PROX1: variants seen among roughly 807,000 people sequenced by gnomAD.
The protein encoded by PROX1 is prospero homeobox 1, also known as prospero homeobox protein 1.
Under a neutral mutation model 58.8 loss-of-function variants are expected in PROX1, and 7 were observed. The ratio of observed to expected loss-of-function variants is 0.12; its 90% CI spans 0.07 to 0.22. PROX1 has a LOEUF of 0.22. PROX1 is among the 10% of genes least tolerant of loss of function. The pLI is 1.00. For synonymous variants in PROX1, 350 were observed against 358.3 expected, an observed-to-expected ratio of 0.98 and a Z score of 0.26; for missense variants, 675 against 927.8, an observed-to-expected ratio of 0.73 and a Z score of 3.54.
At chr1:214,013,041 T>C (rs1301955464) in intron 4 of PROX1, among the ~76,000 whole-genome samples, 1 of 152,124 alleles carries the variant, frequency 6.6e-6, no homozygotes, top group African/African-American at 2.4e-5. Context: ...AGTTTTTCTT[T>C]GAAAGTTTGA....
At chr1:214,004,105 C>T (rs960286531) in intron 2 of PROX1, among the ~76,000 whole-genome samples, 4 of 152,124 alleles carry the variant, frequency 2.6e-5, no homozygotes, top group African/African-American at 9.7e-5. Flanking sequence ...TGTGGGGGAC[C>T]ACATTGATTT....
At chr1:214,022,375 C>A (rs1247190402) in intron 4 of PROX1, among the ~76,000 whole-genome samples, 2 of 152,184 alleles carry the variant, frequency 1.3e-5, no homozygotes, top group East Asian at 3.9e-4. Flanking sequence ...ATTTGCAGAG[C>A]CAAGTAAATG....
chr1:213,994,907 T>C (rs1000552713), intron 1 of PROX1, among the ~76,000 whole-genome samples: 1 of 151,220 alleles, frequency 6.6e-6, no homozygotes, highest in Non-Finnish European at 1.5e-5. Flanking sequence ...GAAATCACTG[T>C]CACTTAAAAA....
chr1:214,030,143 A>T (rs1191512821), intron 4 of PROX1: 2 of 152,526 alleles, frequency 1.3e-5, no homozygotes, highest in East Asian at 3.9e-4. Context: ...TCTCCTTGAC[A>T]TTGTCTTCTT....
intron 4 of PROX1, among the ~76,000 whole-genome samples, chr1:214,023,962 C>A (rs1396895572): frequency 6.6e-6 from 1 of 152,160 alleles, no homozygotes; most frequent in African/African-American, 2.4e-5. Flanking sequence ...TTCAAGGCCA[C>A]TGTGTTTCCT....
At chr1:213,989,346 C>G (rs749925539) in intron 1 of PROX1, among the ~76,000 whole-genome samples, 1 of 151,716 alleles carries the variant, frequency 6.6e-6, no homozygotes, top group East Asian at 2.0e-4. Context: ...GGTCGCGTGG[C>G]GGTGGGATTG....
At chr1:214,014,738 T>C (rs945328988) in intron 4 of PROX1, among the ~76,000 whole-genome samples, 1 of 152,132 alleles carries the variant, frequency 6.6e-6, no homozygotes, top group Non-Finnish European at 1.5e-5. Flanking sequence ...GAGAAGGAGG[T>C]TTGACGTCTC....
Position 214,035,942 on chromosome 1 carries a change from G to A in PROX1, c.*108G>A, listed in dbSNP as rs1664814130. ...TCATATATATGTGTATGGGAGGCAT[G>A]GATATGTTATGAAATCAGCTGGTAA... On this transcript the variant is annotated 3_prime_UTR_variant, in exon 5 of 5. Transcript: ENST00000366958. 2 of 932,544 alleles carry A rather than the reference G, an allele frequency of 2.1e-6. No homozygotes were observed. The highest frequency in any genetic ancestry group is 3.0e-6 in the Non-Finnish European group (2 of 667,228). 57.8% of individuals were successfully genotyped at this position (932,544 alleles called of 1,614,324 possible).
intron 4 of PROX1, among the ~76,000 whole-genome samples, chr1:214,026,859 A>G (rs557174959): frequency 1.3e-5 from 2 of 152,186 alleles, no homozygotes; most frequent in Admixed American, 6.5e-5. Flanking sequence ...ATGCTTTTCC[A>G]TGGAGTTTCC....
chr1:213,994,793 AT>A (rs1663191214), intron 1 of PROX1, among the ~76,000 whole-genome samples: 1 of 89,148 alleles, frequency 1.1e-5, no homozygotes, highest in African/African-American at 4.2e-5. Context: ...ATATATATAT[AT>A]ATATATATAA....
chr1:214,026,332 T>C (rs1007195840), intron 4 of PROX1, among the ~76,000 whole-genome samples: 2 of 152,136 alleles, frequency 1.3e-5, no homozygotes, highest in African/African-American at 4.8e-5. Context: ...ACTGACCAAA[T>C]TTCAGCCCCA....
chr1:213,986,205 T>C (rs1432071543), upstream of PROX1: 2 of 151,110 alleles, frequency 1.3e-5, no homozygotes, highest in East Asian at 3.9e-4. Flanking sequence ...GAGGTGTGAG[T>C]GGTGCGTGTG....
chr1:214,000,043 T>TACAC (rs10536742), intron 2 of PROX1, among the ~76,000 whole-genome samples: 4,256 of 149,242 alleles, frequency 0.029, 219 homozygotes, highest in African/African-American at 0.098. Context: ...CTCTCTCTCT[T>TACAC]ACACACACAC....
Position 214,036,633 on chromosome 1 carries a change from T to C in PROX1, c.*799T>C, listed in dbSNP as rs1364937747. 1 of 152,180 alleles carries C rather than the reference T, an allele frequency of 6.6e-6. No homozygotes were observed. Among genetic ancestry groups the C allele is most frequent in the Non-Finnish European group, 1.5e-5 (1 of 68,032 alleles). The allele number at this position is 152,180 out of a possible 1,614,324, so 9.4% of individuals were successfully genotyped here. On this transcript the variant is annotated 3_prime_UTR_variant, in exon 5 of 5. Transcript: ENST00000366958. ...TTACATCATTCTTCATAAAGAAAAA[T>C]CCTATAACTTGTTATCATTTTTGCT...
rs1221667275 is a variant in PROX1, at chr1:214,018,554, G to A, written c.2028+6839G>A. Among the ~76,000 whole-genome samples the A allele has an allele frequency of 3.3e-5, 5 of 152,136 alleles. No homozygotes were observed. In the South Asian group the frequency reaches 8.3e-4, roughly 25 times the overall value. ...TGAGAAGGGTAGGAAAAAGAGAACC[G>A]TCTATTAATGATCATTATACTACTG... On this transcript the variant is annotated intron_variant, in intron 4 of 4. Coordinates refer to ENST00000366958, the MANE Select transcript of PROX1 (RefSeq NM_001270616.2).
intron 4 of PROX1, among the ~76,000 whole-genome samples, chr1:214,013,155 G>A (rs1351652214): frequency 6.6e-6 from 1 of 152,006 alleles, no homozygotes; most frequent in Admixed American, 6.6e-5. Flanking sequence ...GTGTGTGTGT[G>A]TGTGTGTGTG....
At chr1:214,019,622 C>T (rs545343248) in intron 4 of PROX1, among the ~76,000 whole-genome samples, 5 of 152,296 alleles carry the variant, frequency 3.3e-5, no homozygotes, top group South Asian at 2.1e-4. Context: ...GGAGGCCTCC[C>T]TGTGTGCGCA....
intron 2 of PROX1, 127 bp downstream of exon 2, chr1:213,998,387 C>A: frequency 8.6e-7 from 1 of 1,166,092 alleles, no homozygotes; most frequent in Non-Finnish European, 1.2e-6. Flanking sequence ...TCCCATTATT[C>A]AAAGGAATAG....
chr1:214,036,038 C>A lies in PROX1; in HGVS notation c.*204C>A. On this transcript the variant is annotated 3_prime_UTR_variant, in exon 5 of 5. Transcript: ENST00000366958. ...AAGGGGATGGTTGTTTTCTTTCTGC[C>A]TTTAGTTTGCTTTTGCCCAAGGCCC... 1 of 432,598 alleles carries A rather than the reference C, an allele frequency of 2.3e-6. No individual in the cohort carries two copies. The highest frequency in any genetic ancestry group is 3.9e-6 in the Non-Finnish European group (1 of 253,538). 26.8% of individuals were successfully genotyped at this position (432,598 alleles called of 1,614,324 possible).
Sources: allele counts gnomAD v4.1 joint callset (sites outside exome capture counted in the v4.1 genomes callset), GRCh38; gene constraint gnomAD v4.1.1; transcripts MANE v1.5; gene names NCBI Gene and HGNC (gene_info 2026-07-23, HGNC 2026-07-21).